NUP160: variants seen among roughly 807,000 people sequenced by gnomAD.
NUP160 encodes nucleoporin 160, also known as nuclear pore complex protein Nup160.
A neutral mutation model predicts 196.9 loss-of-function variants in NUP160; 94 were observed. The observed-to-expected ratio is 0.48, with a 90% CI of 0.40 to 0.57. NUP160 has a LOEUF of 0.57. Among genes scored for constraint, NUP160 ranks in the 20% least tolerant of loss-of-function variants. NUP160 has a pLI of 0.00. For missense variants in NUP160, 1,638 were observed against 1,748.3 expected, an observed-to-expected ratio of 0.94 and a Z score of 1.13; for synonymous variants, 605 against 619.7, an observed-to-expected ratio of 0.98 and a Z score of 0.35.
At chr11:47,835,935 AC>A in intron 6 of NUP160, 126 bp from the exon 7 acceptor site, 2 of 787,710 alleles carry the variant, frequency 2.5e-6, no homozygotes, top group Non-Finnish European at 3.8e-6. Flanking sequence ...AAAAGACCTT[AC>A]AGGTTTTTGT....
At chr11:47,837,672 A>G in intron 4 of NUP160, 49 bp from the exon 5 acceptor site, 1 of 1,406,270 alleles carries the variant, frequency 7.1e-7, no homozygotes, top group Non-Finnish European at 1.0e-6. Flanking sequence ...AGAAACCCAA[A>G]GGCAAGAATG....
exon 33 of NUP160, chr11:47,784,956 A>G (rs936515260): frequency 1.2e-6 from 2 of 1,604,332 alleles, no homozygotes; most frequent in South Asian, 2.2e-5. Flanking sequence ...AGGCAGAGGC[A>G]CTCCATGAGA....
At chr11:47,822,574 CT>C (rs74613052) in intron 7 of NUP160, among the ~76,000 whole-genome samples, 193 of 142,230 alleles carry the variant, frequency 1.4e-3, no homozygotes, top group Middle Eastern at 3.6e-3. Flanking sequence ...TTTTTCTTTT[CT>C]TTTTTTTTTT....
chr11:47,785,910 T>C (rs930856387), intron 32 of NUP160, among the ~76,000 whole-genome samples: 1 of 152,230 alleles, frequency 6.6e-6, no homozygotes, highest in Non-Finnish European at 1.5e-5. Flanking sequence ...AAAGGGAAGT[T>C]TACTGAGGGT....
intron 35 of NUP160, 141 bp from the exon 36 acceptor site, chr11:47,779,335 T>G (rs2097659289): frequency 1.7e-6 from 1 of 599,092 alleles, no homozygotes; most frequent in Admixed American, 3.0e-5. Context: ...CACCATTTGT[T>G]ATAGGAGTCT....
chr11:47,836,073 C>T (rs976619780), intron 6 of NUP160, among the ~76,000 whole-genome samples: 6 of 152,030 alleles, frequency 3.9e-5, no homozygotes, highest in African/African-American at 1.2e-4. Context: ...ATAGTGAAAC[C>T]CCATCTCTAC....
intron 22 of NUP160, among the ~76,000 whole-genome samples, chr11:47,802,434 C>T (rs1394851350): frequency 1.3e-5 from 2 of 150,010 alleles, no homozygotes; most frequent in Non-Finnish European, 3.0e-5. Flanking sequence ...GCAAGACTGT[C>T]TCCAAAAAAA....
intron 7 of NUP160, among the ~76,000 whole-genome samples, chr11:47,835,059 G>C (rs576851582): frequency 1.3e-5 from 2 of 152,086 alleles, no homozygotes; most frequent in African/African-American, 4.8e-5. Flanking sequence ...GGACTCAGTG[G>C]GGGAATCAGA....
chr11:47,839,850 G>A (rs970695400), exon 4 of NUP160: 1 of 1,611,596 alleles, frequency 6.2e-7, no homozygotes, highest in African/African-American at 1.3e-5. Flanking sequence ...TACCAGGTAT[G>A]TCATAAGGAG....
At chr11:47,835,594 A>C in intron 7 of NUP160, 57 bp downstream of exon 7, 1 of 1,400,558 alleles carries the variant, frequency 7.1e-7, no homozygotes, top group Non-Finnish European at 9.6e-7. Flanking sequence ...GTCTACAGCC[A>C]TTTCTCCACA....
chr11:47,848,088 A>G (rs2097414747), intron 1 of NUP160, 129 bp from the exon 2 acceptor site: 1 of 1,290,446 alleles, frequency 7.7e-7, no homozygotes, highest in Non-Finnish European at 1.1e-6. Context: ...TCGGACATCA[A>G]GGAATCTCTG....
intron 2 of NUP160, among the ~76,000 whole-genome samples, chr11:47,840,798 T>C (rs527953623): frequency 8.5e-4 from 129 of 152,326 alleles, no homozygotes; most frequent in Middle Eastern, 6.8e-3. Context: ...TTCTGTTACA[T>C]AGAGACATTT....
intron 7 of NUP160, among the ~76,000 whole-genome samples, chr11:47,834,802 G>T (rs1412501920): frequency 6.6e-6 from 1 of 152,118 alleles, no homozygotes; most frequent in Non-Finnish European, 1.5e-5. Flanking sequence ...TCCACATTTG[G>T]GACTGCCTGA....
intron 2 of NUP160, among the ~76,000 whole-genome samples, chr11:47,846,301 G>T (rs547648117): frequency 6.6e-6 from 1 of 152,242 alleles, no homozygotes; most frequent in Admixed American, 6.5e-5. Flanking sequence ...AATGAAATTT[G>T]TATCTCTAAC....
At chr11:47,815,322 G>GA (rs1346355073) in intron 13 of NUP160, 157 bp downstream of exon 13, 8 of 440,516 alleles carry the variant, frequency 1.8e-5, no homozygotes, top group African/African-American at 2.0e-5. Context: ...AATTTTAGGG[G>GA]AAAAAATACA....
At chr11:47,787,154 C>G (rs1275961203) in intron 31 of NUP160, 1 of 150,770 alleles carries the variant, frequency 6.6e-6, no homozygotes, top group African/African-American at 2.4e-5. Context: ...GTGGCGCAAT[C>G]TCAACTCATT....
chr11:47,783,335 G>A, intron 33 of NUP160, 137 bp from the exon 34 acceptor site: 1 of 1,110,328 alleles, frequency 9.0e-7, no homozygotes, highest in Non-Finnish European at 1.2e-6. Context: ...TTACTCATCT[G>A]TATCTTAGGA....
At chr11:47,837,915 G>A (rs1852207371) in intron 4 of NUP160, among the ~76,000 whole-genome samples, 1 of 152,154 alleles carries the variant, frequency 6.6e-6, no homozygotes, top group East Asian at 1.9e-4. Flanking sequence ...ACAATCACTA[G>A]GTACCTTTCA....
rs547645885 is a variant in NUP160 at position 47,832,786 on chromosome 11, T to TA, written c.1101+2864dup. 1.6e-4 allele frequency among the ~76,000 whole-genome samples: 24 copies of TA among 152,344 alleles called. No homozygotes were observed. The East Asian group carries it at 4.6e-3, about 29-fold the overall frequency. ...CTCTCTATTCCAATTCCTGTCTTGA[T>TA]AAATCAGCTGTATGTATTGGGCACT... On this transcript the variant is annotated intron_variant, in intron 7 of 35. Coordinates refer to ENST00000378460, the Ensembl canonical transcript of NUP160.
Sources: gnomAD v4.1 joint callset for allele counts (sites outside exome capture counted in the v4.1 genomes callset) on GRCh38, gnomAD v4.1.1 for gene constraint, MANE v1.5 for transcripts, NCBI Gene and HGNC (gene_info 2026-07-23, HGNC 2026-07-21) for gene names.